MAPK4: variants seen among roughly 807,000 people sequenced by gnomAD.
The protein encoded by MAPK4 is mitogen-activated protein kinase 4.
Under a neutral mutation model 47.7 loss-of-function variants are expected in MAPK4, and 22 were observed. The ratio of observed to expected loss-of-function variants is 0.46; its 90% confidence interval spans 0.33 to 0.66. The LOEUF is 0.66. MAPK4 is among the 30% of genes least tolerant of loss of function. The probability of loss-of-function intolerance (pLI) is 0.02; values close to 1 mark genes in which losing one functional copy is unlikely to be tolerated. For missense variants in MAPK4, 736 were observed against 831.7 expected (o/e 0.88, Z 1.42); for synonymous variants, 390 against 365.7 (o/e 1.07, Z -0.76).
intron 2 of MAPK4, chr18:50,705,889 ATTTG>A (rs929707537): frequency 8.5e-5 from 13 of 152,114 alleles, no homozygotes; most frequent in African/African-American, 2.9e-4. Flanking sequence ...CATATCATCC[ATTTG>A]TTTGTTCAGC....
intron 1 of MAPK4, among the ~76,000 whole-genome samples, chr18:50,582,809 G>T (rs1470417608): frequency 6.6e-6 from 1 of 152,256 alleles, no homozygotes; most frequent in Non-Finnish European, 1.5e-5. Flanking sequence ...GTGTCTAGAT[G>T]AGGGGAACGC....
intron 1 of MAPK4, among the ~76,000 whole-genome samples, chr18:50,606,368 C>T (rs1444242314): frequency 1.3e-5 from 2 of 152,108 alleles, no homozygotes; most frequent in Non-Finnish European, 2.9e-5. Flanking sequence ...CTTTAATACA[C>T]TAGTGAGCAG....
intron 2 of MAPK4, among the ~76,000 whole-genome samples, chr18:50,706,974 A>G (rs1910089739): frequency 6.6e-6 from 1 of 152,242 alleles, no homozygotes; most frequent in Non-Finnish European, 1.5e-5. Context: ...AGCTTTTATC[A>G]GACGGTGAGC....
At chr18:50,622,698 C>A (rs1044171067) in intron 1 of MAPK4, among the ~76,000 whole-genome samples, 32 of 152,172 alleles carry the variant, frequency 2.1e-4, no homozygotes, top group Admixed American at 2.1e-3. Flanking sequence ...GTGACTTGGA[C>A]GCAGGCAGAA....
intron 2 of MAPK4, among the ~76,000 whole-genome samples, chr18:50,690,363 C>T (rs1483305821): frequency 6.6e-6 from 1 of 152,202 alleles, no homozygotes; most frequent in African/African-American, 2.4e-5. Context: ...AAATGCAAAC[C>T]ATACCAATTT....
Position 50,585,880 on chromosome 18 carries a change from C to T in MAPK4, c.-871+25637C>T, listed in dbSNP as rs191860820. 2.6e-5 allele frequency among the ~76,000 whole-genome samples: 4 copies of T among 152,288 alleles called. No individual in the cohort carries two copies. In the East Asian group the frequency reaches 7.7e-4, roughly 29 times the overall value. On this transcript the variant is annotated intron_variant, in intron 1 of 5. Coordinates refer to ENST00000400384, the MANE Select transcript of MAPK4 (RefSeq NM_002747.4). ...AAGGGGGAAAAGCCTCATCAGATCT[C>T]GTGAGAACTCACTCACTGTCACAAG...
intron 1 of MAPK4, among the ~76,000 whole-genome samples, chr18:50,611,760 G>T (rs78455799): frequency 6.6e-6 from 1 of 152,174 alleles, no homozygotes; most frequent in Non-Finnish European, 1.5e-5. Context: ...ACCTGCCCAC[G>T]TCAGCAAGAT....
intron 1 of MAPK4, among the ~76,000 whole-genome samples, chr18:50,597,371 A>G (rs779563187): frequency 2.0e-5 from 3 of 152,214 alleles, no homozygotes; most frequent in Non-Finnish European, 2.9e-5. Context: ...GCCAGTCCTG[A>G]ATGATGCTCA....
Position 50,729,683 on chromosome 18 carries a change from C to A in MAPK4, c.1593C>A (p.Gly531=). The A allele has an allele frequency of 6.5e-7, 1 of 1,532,564 alleles. No individual in the cohort carries two copies. Among genetic ancestry groups the A allele is most frequent in the Non-Finnish European group, 8.8e-7 (1 of 1,134,294 alleles). The allele number at this position is 1,532,564 out of a possible 1,614,324, so 94.9% of individuals were successfully genotyped here. A position where few individuals can be genotyped will look rare whatever the true frequency, so the allele number is the denominator to read the frequency against. The change falls in exon 6 of 6, where the codon GGC becomes GGA. Residue 531 remains glycine, a synonymous_variant. Coordinates refer to ENST00000400384, the MANE Select transcript of MAPK4 (RefSeq NM_002747.4). ...SPPGRPAPVD[G]GASPQFDLDV... The stretch of plus-strand genomic sequence containing the variant: ...CCGGCCGCCCGGCCCCGGTGGACGG[C>A]GGCGCCAGCCCCCAGTTCGACCTGG...
chr18:50,606,024 G>A (rs1194335420), intron 1 of MAPK4, among the ~76,000 whole-genome samples: 1 of 147,576 alleles, frequency 6.8e-6, no homozygotes, highest in African/African-American at 2.5e-5. Flanking sequence ...GAAAATAAGG[G>A]CTTACATTTC....
chr18:50,653,249 G>T (rs1380249499), intron 1 of MAPK4, among the ~76,000 whole-genome samples: 2 of 151,860 alleles, frequency 1.3e-5, no homozygotes, highest in Non-Finnish European at 2.9e-5. Flanking sequence ...CCTAACAAAA[G>T]GAACAGGTTT....
intron 1 of MAPK4, among the ~76,000 whole-genome samples, chr18:50,601,762 C>T (rs2042544011): frequency 6.6e-6 from 1 of 152,180 alleles, no homozygotes; most frequent in Admixed American, 6.5e-5. Context: ...GGCTTTCAAG[C>T]CCTGGAATTT....
intron 1 of MAPK4, among the ~76,000 whole-genome samples, chr18:50,602,811 A>G (rs1361202550): frequency 3.3e-5 from 5 of 152,166 alleles, no homozygotes; most frequent in Admixed American, 3.3e-4. Context: ...CCCTGGGTTC[A>G]GTACTGTGCT....
chr18:50,591,879 G>C (rs1472294766), intron 1 of MAPK4, among the ~76,000 whole-genome samples: 1 of 152,092 alleles, frequency 6.6e-6, no homozygotes, highest in Non-Finnish European at 1.5e-5. Context: ...TTTGATTCTA[G>C]GGCCCGCCGG....
chr18:50,682,915 C>T (rs1179566294), intron 2 of MAPK4, among the ~76,000 whole-genome samples: 1 of 152,146 alleles, frequency 6.6e-6, no homozygotes, highest in Non-Finnish European at 1.5e-5. Context: ...ATAAACCATT[C>T]ACAACACTAC....
intron 3 of MAPK4, among the ~76,000 whole-genome samples, chr18:50,717,487 A>G (rs1180709290): frequency 1.3e-5 from 2 of 152,038 alleles, no homozygotes; most frequent in African/African-American, 4.8e-5. Context: ...TTGGGAAGGG[A>G]GGGGGAGAGT....
At chr18:50,712,184 C>T (rs915628834) in intron 2 of MAPK4, among the ~76,000 whole-genome samples, 4 of 152,150 alleles carry the variant, frequency 2.6e-5, no homozygotes, top group Admixed American at 6.5e-5. Flanking sequence ...CCCAGCACTT[C>T]GAAAGGCCGA....
intron 1 of MAPK4, among the ~76,000 whole-genome samples, chr18:50,649,578 T>C (rs1035480569): frequency 2.6e-5 from 4 of 152,216 alleles, no homozygotes; most frequent in Admixed American, 6.5e-5. Context: ...CCTCTTCGTG[T>C]GTGTTCCGTA....
chr18:50,645,431 C>T (rs1165753464), intron 1 of MAPK4, among the ~76,000 whole-genome samples: 1 of 152,114 alleles, frequency 6.6e-6, no homozygotes. Flanking sequence ...TTGCTGTGTT[C>T]GGACTGGAGG....
Sources: allele counts gnomAD v4.1 joint callset (sites outside exome capture counted in the v4.1 genomes callset), GRCh38; gene constraint gnomAD v4.1.1; transcripts MANE v1.5; gene names NCBI Gene and HGNC (gene_info 2026-07-23, HGNC 2026-07-21).